WDR41: variants seen among roughly 807,000 people sequenced by gnomAD.
WDR41 encodes WD repeat domain 41.
In WDR41, 63 loss-of-function variants were observed where a neutral mutation model predicts 69.3. The ratio of observed to expected loss-of-function variants is 0.91; its 90% CI spans 0.74 to 1.12. The LOEUF is 1.12. Ranked by LOEUF, WDR41 falls within the 50% of genes most tolerant of loss-of-function variation. The pLI is 0.00. For synonymous variants in WDR41, 185 were observed against 192.1 expected (o/e 0.96, Z 0.31); for missense variants, 543 against 534.5 (o/e 1.02, Z -0.16).
rs1296859771 is a variant in WDR41 at position 77,433,182 on chromosome 5, A to G, written c.1333T>C (p.Leu445=). The G allele has an allele frequency of 6.2e-7, 1 of 1,613,550 alleles. No homozygotes were observed. Among genetic ancestry groups the G allele is most frequent in the Admixed American group, 1.7e-5 (1 of 59,990 alleles). The part of the protein sequence containing the change: ...ERESGLRSLR[L]FQKLEENGDL... Reference sequence around the variant, plus strand: ...CCATTCTCCTCTAATTTTTGAAATAATCTTAAACTGCGCAATCCAGATTCT... The same window carrying G: ...CCATTCTCCTCTAATTTTTGAAATAGTCTTAAACTGCGCAATCCAGATTCT... Residue 445 remains leucine (L), a synonymous_variant, in exon 13 of 13, where the codon TTA becomes CTA. Transcript: ENST00000296679.
At chr5:77,499,309 A>G (rs1801983011) in intron 1 of WDR41, 1 of 152,294 alleles carries the variant, frequency 6.6e-6, no homozygotes, top group African/African-American at 2.4e-5. Flanking sequence ...ACTGTGGTGC[A>G]GAAAGAGAAA....
upstream of WDR41, among the ~76,000 whole-genome samples, chr5:77,496,638 T>A (rs1381438510): frequency 6.6e-6 from 1 of 152,002 alleles, no homozygotes; most frequent in Non-Finnish European, 1.5e-5. Context: ...TAAAAAGACG[T>A]CCAAGCTCTT....
intron 1 of WDR41, among the ~76,000 whole-genome samples, chr5:77,607,147 A>T (rs977789289): frequency 1.4e-4 from 22 of 152,202 alleles, no homozygotes; most frequent in Admixed American, 4.6e-4. Flanking sequence ...TAATATTATC[A>T]AACTATTATT....
chr5:77,466,874 A>AAT (rs1432053164), intron 2 of WDR41, among the ~76,000 whole-genome samples: 1 of 151,126 alleles, frequency 6.6e-6, no homozygotes, highest in Non-Finnish European at 1.5e-5. Context: ...ATTAAGCTTT[A>AAT]AAATACAAAC....
At chr5:77,573,051 A>T (rs549674033) in intron 1 of WDR41, among the ~76,000 whole-genome samples, 2 of 152,318 alleles carry the variant, frequency 1.3e-5, no homozygotes, top group Non-Finnish European at 1.5e-5. Context: ...ATTGTACATG[A>T]TGCCACAGAG....
At chr5:77,472,922 T>A (rs910626906) in intron 2 of WDR41, among the ~76,000 whole-genome samples, 2 of 152,074 alleles carry the variant, frequency 1.3e-5, no homozygotes, top group African/African-American at 2.4e-5. Flanking sequence ...AAAAACTACT[T>A]TCACGTTCAT....
intron 5 of WDR41, among the ~76,000 whole-genome samples, chr5:77,454,272 C>T (rs1416389185): frequency 2.0e-5 from 3 of 152,200 alleles, no homozygotes; most frequent in African/African-American, 7.2e-5. Flanking sequence ...ACAGCACTAA[C>T]TTGCCAAGCA....
At chr5:77,522,931 G>A (rs775149537) in intron 1 of WDR41, among the ~76,000 whole-genome samples, 10 of 152,106 alleles carry the variant, frequency 6.6e-5, no homozygotes, top group Admixed American at 3.3e-4. Context: ...CAGGTGCAGA[G>A]CATTCCTTTG....
chr5:77,584,037 C>CA (rs1250917673), intron 1 of WDR41, among the ~76,000 whole-genome samples: 1 of 152,120 alleles, frequency 6.6e-6, no homozygotes, highest in Admixed American at 6.6e-5. Context: ...CAAAATCCAA[C>CA]ACCCTTTTAT....
Position 77,550,846 on chromosome 5 carries a change from A to G in WDR41, c.43-61274T>C, listed in dbSNP as rs188858442. On this transcript the variant is annotated intron_variant, in intron 1 of 5. Transcript: ENST00000509971. Reference sequence around the variant, plus strand: ...ATGGAGTCAATCTAGATGCCCATCAATGTTGGCCTGCATAAAGAAAATATA... The same window carrying G: ...ATGGAGTCAATCTAGATGCCCATCAGTGTTGGCCTGCATAAAGAAAATATA... 1.2e-3 allele frequency among the ~76,000 whole-genome samples: 180 copies of G among 152,358 alleles called. 1 individual carries two copies. The highest frequency in any genetic ancestry group is 4.7e-3 in the Admixed American group (72 of 15,304).
chr5:77,601,668 A>G (rs1268705808), intron 1 of WDR41, among the ~76,000 whole-genome samples: 2 of 151,888 alleles, frequency 1.3e-5, no homozygotes, highest in African/African-American at 4.8e-5. Context: ...ACGCAGCTAC[A>G]CTCTCATTTC....
rs187009835 is a variant in WDR41 at position 77,595,580 on chromosome 5, T to C, written c.42+24899A>G. The stretch of plus-strand genomic sequence containing the variant: ...TTGAGATAAACATTTTGTCCCGCAT[T>C]TCCACTATTGTAAGTGGTTATACTT... On this transcript the variant is annotated intron_variant, in intron 1 of 5. Coordinates refer to the WDR41 transcript ENST00000509971. 2.7e-5 allele frequency among the ~76,000 whole-genome samples: 4 copies of C among 150,674 alleles called. No individual in the cohort carries two copies. The East Asian group carries it at 8.1e-4, about 30-fold the overall frequency.
At chr5:77,500,711 G>C (rs973705906) in intron 1 of WDR41, among the ~76,000 whole-genome samples, 3 of 152,098 alleles carry the variant, frequency 2.0e-5, no homozygotes, top group Non-Finnish European at 4.4e-5. Flanking sequence ...AGAAATCTTA[G>C]GGTTCAGATA....
At chr5:77,442,789 G>A (rs960585646) in intron 8 of WDR41, among the ~76,000 whole-genome samples, 1 of 148,426 alleles carries the variant, frequency 6.7e-6, no homozygotes, top group Non-Finnish European at 1.5e-5. Flanking sequence ...CTACTCGGGA[G>A]GCTGAGGCAG....
intron 2 of WDR41, among the ~76,000 whole-genome samples, chr5:77,471,993 A>T (rs2111981821): frequency 6.6e-6 from 1 of 152,222 alleles, no homozygotes. Context: ...TAGACCAATA[A>T]CCCTGATGAA....
chr5:77,593,010 G>A (rs1744160944), intron 1 of WDR41, among the ~76,000 whole-genome samples: 1 of 152,186 alleles, frequency 6.6e-6, no homozygotes. Context: ...TAAAGGAATT[G>A]AAAGAACAAA....
intron 1 of WDR41, among the ~76,000 whole-genome samples, chr5:77,552,000 T>C (rs865971424): frequency 3.7e-5 from 1 of 26,722 alleles, no homozygotes; most frequent in Non-Finnish European, 7.6e-5. Flanking sequence ...TAAAATAAAA[T>C]AAAATAAAAT....
intron 2 of WDR41, chr5:77,480,176 AG>A (rs1801157663): frequency 6.6e-6 from 1 of 152,364 alleles, no homozygotes; most frequent in South Asian, 2.1e-4. Context: ...AGGAAACAAC[AG>A]GTGCTGGAGA....
At position 77,599,254 on chromosome 5, in the gene WDR41, A is replaced by G. The variant is rs1187200046; in HGVS notation, c.42+21225T>C. On this transcript the variant is annotated intron_variant, in intron 1 of 5. Transcript: ENST00000509971. ...GTCTCTCTTTCACCCAGGCTGGAAT[A>G]CAGTGGTACTATCTCAGCTCACTGC... Among the ~76,000 whole-genome samples the G allele has an allele frequency of 5.4e-5, 7 of 130,028 alleles. No individual in the cohort carries two copies. The Admixed American group carries it at 6.9e-4, about 13-fold the overall frequency. 85.3% of individuals were successfully genotyped at this position (130,028 alleles called of 152,430 possible).
Sources: gnomAD v4.1 joint callset for allele counts (sites outside exome capture counted in the v4.1 genomes callset) on GRCh38, gnomAD v4.1.1 for gene constraint, MANE v1.5 for transcripts, NCBI Gene and HGNC (gene_info 2026-07-23, HGNC 2026-07-21) for gene names.